PGK1: variants seen among roughly 807,000 people sequenced by gnomAD.
PGK1 encodes PRP 2.
Under a neutral mutation model 26.9 loss-of-function variants are expected in PGK1, and 3 were observed. The ratio of observed to expected loss-of-function variants is 0.11; its 90% CI spans 0.05 to 0.29. The LOEUF (loss-of-function observed/expected upper bound fraction) is 0.29, where lower values mean the gene tolerates loss of function less well. PGK1 is among the 10% of genes least tolerant of loss of function. PGK1 has a pLI of 1.00. For missense variants in PGK1, 270 were observed against 314.7 expected, an observed-to-expected ratio of 0.86 and a Z score of 1.07; for synonymous variants, 125 against 115.3, an observed-to-expected ratio of 1.08 and a Z score of -0.54.
At chrX:78,106,407 A>G in intron 1 of PGK1, 3 of 749,294 alleles carry the variant, frequency 4.0e-6, no homozygotes, top group Non-Finnish European at 3.2e-6. Context: ...AGGAAGTTAC[A>G]TGGTTCCCTG....
At chrX:78,106,985 C>T (rs1223238350) in intron 1 of PGK1, among the ~76,000 whole-genome samples, 3 of 110,791 alleles carry the variant, frequency 2.7e-5, no homozygotes, top group Non-Finnish European at 3.8e-5. Context: ...CACTAAGACA[C>T]CCACAATATC....
intron 2 of PGK1, 41 bp downstream of exon 2, chrX:78,109,958 T>G: frequency 1.2e-6 from 1 of 846,457 alleles, no homozygotes. Context: ...TTAAGATGTG[T>G]GTAGGTACAC....
rs2078394897 is a variant in PGK1 at position 78,128,913 on chromosome X, A to G, written c.*3083A>G. 8.9e-6 allele frequency: 1 copy of G among 112,068 alleles called. No individual in the cohort carries two copies. Among genetic ancestry groups the G allele is most frequent in the African/African-American group, 3.2e-5 (1 of 30,784 alleles). The allele number at this position is 112,068 out of a possible 1,213,427, so 9.2% of individuals were successfully genotyped here. ...AATCTAAGGCTATTTAATATACATT[A>G]AGAGGCCGGGCGCAGTGGCTCACGC... On this transcript the variant is annotated 3_prime_UTR_variant, in exon 11 of 11. Transcript: ENST00000373316.
chrX:78,113,681 A>G, intron 2 of PGK1, 63 bp from the exon 3 acceptor site: 1 of 1,030,852 alleles, frequency 9.7e-7, no homozygotes, highest in African/African-American at 1.8e-5. Flanking sequence ...GTTATCAATA[A>G]GCTAGTTCCC....
intron 1 of PGK1, among the ~76,000 whole-genome samples, chrX:78,109,545 A>AT (rs1557246632): frequency 9.1e-6 from 1 of 110,288 alleles, no homozygotes; most frequent in Non-Finnish European, 1.9e-5. Flanking sequence ...TTTTTTTAAA[A>AT]TTCTTTTTAA....
intron 2 of PGK1, among the ~76,000 whole-genome samples, chrX:78,112,553 A>C (rs1186040074): frequency 8.9e-6 from 1 of 112,453 alleles, no homozygotes; most frequent in Admixed American, 9.4e-5. Flanking sequence ...TTTTTCCTAC[A>C]TAAAAAAGTG....
rs2061041526 is a variant in PGK1, at chrX:78,129,241, C to CTATCTATT, written c.*3418_*3419insTTATCTAT. 4.5e-5 allele frequency: 5 copies of CTATCTATT among 109,998 alleles called. No homozygotes were observed. In the South Asian group the frequency reaches 1.5e-3, roughly 34 times the overall value. The allele number at this position is 109,998 out of a possible 1,213,427, so 9.1% of individuals were successfully genotyped here. On this transcript the variant is annotated 3_prime_UTR_variant, in exon 11 of 11. Transcript: ENST00000373316. The stretch of plus-strand genomic sequence containing the variant: ...TGTACCTATCTATCTATCTATCTAT[C>CTATCTATT]TATCTATCTATCTATCTATCTGTAT...
In PGK1 at chrX:78,128,372, G is replaced by A. The variant is rs1557248927; in HGVS notation, c.*2542G>A. 8.9e-6 allele frequency: 1 copy of A among 112,790 alleles called. No homozygotes were observed. Among genetic ancestry groups the A allele is most frequent in the African/African-American group, 3.2e-5 (1 of 31,018 alleles). The allele number at this position is 112,790 out of a possible 1,213,427, so 9.3% of individuals were successfully genotyped here. A position where few individuals can be genotyped will look rare whatever the true frequency, so the allele number is the denominator to read the frequency against. ...AGCCTGGCCAACATGGTGAAACCCCGTTTCTACCAAAAATACAAAAATTAG... is the reference window on the plus strand; with the variant it reads ...AGCCTGGCCAACATGGTGAAACCCCATTTCTACCAAAAATACAAAAATTAG... On this transcript the variant is annotated 3_prime_UTR_variant, in exon 11 of 11. Coordinates refer to ENST00000373316, the MANE Select transcript of PGK1 (RefSeq NM_000291.4).
chrX:78,119,157 G>T (rs1409690396), intron 6 of PGK1, among the ~76,000 whole-genome samples: 1 of 111,483 alleles, frequency 9.0e-6, no homozygotes, highest in African/African-American at 3.3e-5. Flanking sequence ...ATCTGGCAGG[G>T]TATAACCATA....
At chrX:78,115,878 C>G (rs989230674) in intron 4 of PGK1, among the ~76,000 whole-genome samples, 1 of 111,175 alleles carries the variant, frequency 9.0e-6, no homozygotes, top group African/African-American at 3.3e-5. Context: ...GAGACAGGGT[C>G]TTGTTCTGTT....
intron 1 of PGK1, among the ~76,000 whole-genome samples, chrX:78,105,342 TATGTAACTG>T (rs1282839533): frequency 3.6e-5 from 4 of 111,897 alleles, no homozygotes; most frequent in African/African-American, 9.8e-5. Flanking sequence ...GATGAGTCGG[TATGTAACTG>T]ATGGACTTGA....
Position 78,129,254 on chromosome X carries a change from T to TATCTATCTATCTA in PGK1, c.*3432_*3433insATCTAATCTATCT, listed in dbSNP as rs1557249107. 2.7e-5 allele frequency: 3 copies of TATCTATCTATCTA among 111,026 alleles called. No homozygotes were observed. The highest frequency in any genetic ancestry group is 6.5e-5 in the African/African-American group (2 of 30,545). The allele number at this position is 111,026 out of a possible 1,213,427, so 9.1% of individuals were successfully genotyped here. On this transcript the variant is annotated 3_prime_UTR_variant, in exon 11 of 11. Coordinates refer to ENST00000373316, the MANE Select transcript of PGK1 (RefSeq NM_000291.4). ...CTATCTATCTATCTATCTATCTATC[T>TATCTATCTATCTA]ATCTATCTGTATATAGATATATTAA...
intron 8 of PGK1, 130 bp from the exon 9 acceptor site, chrX:78,124,744 A>G (rs989516018): frequency 1.6e-5 from 9 of 559,735 alleles, no homozygotes; most frequent in African/African-American, 8.9e-5. Flanking sequence ...ACAGGTTTAT[A>G]AAGACTGAAG....
intron 1 of PGK1, 40 bp from the exon 2 acceptor site, chrX:78,109,827 A>G: frequency 1.0e-6 from 1 of 985,496 alleles, no homozygotes. Flanking sequence ...TCTTTGATGG[A>G]ACAGTAAGTT....
At chrX:78,117,893 A>G (rs1044828636) in intron 5 of PGK1, among the ~76,000 whole-genome samples, 158 bp from the exon 6 acceptor site, 3 of 112,731 alleles carry the variant, frequency 2.7e-5, no homozygotes, top group Non-Finnish European at 5.6e-5. Context: ...TAAAAATCTT[A>G]TCTTGTACCT....
chrX:78,124,438 C>T (rs717689), intron 8 of PGK1, among the ~76,000 whole-genome samples: 10,528 of 110,429 alleles, frequency 0.095, 480 homozygotes, highest in African/African-American at 0.17. Context: ...ACTGTCATTC[C>T]CAACACTATT....
In PGK1 at chrX:78,129,233, C is replaced by CTATCTA. The variant is rs1196577573; in HGVS notation, c.*3405_*3410dup. 9.2e-6 allele frequency: 1 copy of CTATCTA among 108,257 alleles called. No homozygotes were observed. Among genetic ancestry groups the CTATCTA allele is most frequent in the Non-Finnish European group, 1.9e-5 (1 of 52,010 alleles). The allele number at this position is 108,257 out of a possible 1,213,427, so 8.9% of individuals were successfully genotyped here. On this transcript the variant is annotated 3_prime_UTR_variant, in exon 11 of 11. Coordinates refer to ENST00000373316, the MANE Select transcript of PGK1 (RefSeq NM_000291.4). ...CCCATGTGTGTACCTATCTATCTAT[C>CTATCTA]TATCTATCTATCTATCTATCTATCT...
chrX:78,123,098 C>G, intron 7 of PGK1, 97 bp from the exon 8 acceptor site: 1 of 768,609 alleles, frequency 1.3e-6, no homozygotes, highest in Non-Finnish European at 2.0e-6. Context: ...TGCATTGTTC[C>G]TTTATATTGT....
intron 7 of PGK1, 99 bp downstream of exon 7, chrX:78,123,048 A>G: frequency 2.7e-6 from 2 of 729,156 alleles, no homozygotes; most frequent in Non-Finnish European, 4.4e-6. Context: ...TGAGCCCTGA[A>G]AATTCCCATT....
Sources: allele counts gnomAD v4.1 joint callset (sites outside exome capture counted in the v4.1 genomes callset), GRCh38; gene constraint gnomAD v4.1.1; transcripts MANE v1.5; gene names NCBI Gene and HGNC (gene_info 2026-07-23, HGNC 2026-07-21).